AGL: variants seen among roughly 807,000 people sequenced by gnomAD.
AGL encodes the protein amylo-alpha-1,6-glucosidase and 4-alpha-glucanotransferase, also known as glycogen debranching enzyme.
In AGL, 128 loss-of-function variants were observed where a neutral mutation model predicts 199.3. That is an observed-to-expected ratio of 0.64 (90% confidence interval 0.56 to 0.74). The LOEUF is 0.74. Among genes scored for constraint, AGL ranks in the 30% least tolerant of loss-of-function variants. The pLI is 0.00. For missense variants in AGL, 1,809 were observed against 1,820.8 expected (o/e 0.99, Z 0.12); for synonymous variants, 584 against 594.7 (o/e 0.98, Z 0.26).
chr1:99,916,590 T>C lies in AGL; in HGVS notation c.4348-8T>C. ...GGTTTTTTTTGTCTTTTAAATAATC[T>C]TTTTTAGGAGTGGCTGTGGCCTATT... On this transcript the variant is annotated splice_polypyrimidine_tract_variant and splice_region_variant and intron_variant, in intron 32 of 33. Coordinates refer to ENST00000361915, the MANE Select transcript of AGL (RefSeq NM_000642.3). 6.2e-7 allele frequency: 1 copy of C among 1,612,298 alleles called. No homozygotes were observed. Among genetic ancestry groups the C allele is most frequent in the Non-Finnish European group, 8.5e-7 (1 of 1,179,134 alleles).
intron 2 of AGL, among the ~76,000 whole-genome samples, chr1:99,860,702 T>C (rs494626): frequency 0.74 from 113,141 of 152,140 alleles, 42,896 homozygotes; most frequent in African/African-American, 0.91. Context: ...CCATGAAGCA[T>C]AGGGATATAG....
rs934880533 is a variant in AGL at position 99,923,050 on chromosome 1, T to C, written c.*1399T>C. On this transcript the variant is annotated 3_prime_UTR_variant, in exon 34 of 34. Coordinates refer to ENST00000361915, the MANE Select transcript of AGL (RefSeq NM_000642.3). ...AAGCTCGTGTAATTTACTTTAAGAT[T>C]ATCTGCCTGCTCTTCTTCAAAGCTG... 29 of 152,140 alleles carry C rather than the reference T, an allele frequency of 1.9e-4. No individual in the cohort carries two copies. The highest frequency in any genetic ancestry group is 7.0e-4 in the African/African-American group (29 of 41,442). 9.4% of individuals were successfully genotyped at this position (152,140 alleles called of 1,614,324 possible).
intron 2 of AGL, chr1:99,861,163 G>A (rs1202395341): frequency 1.7e-6 from 2 of 1,174,284 alleles, no homozygotes; most frequent in Admixed American, 8.7e-5. Context: ...GCCTGCCATT[G>A]GGTACTTAAT....
chr1:99,902,731 C>A lies in AGL; in HGVS notation c.3637C>A (p.Gln1213Lys). The A allele has an allele frequency of 1.2e-6, 2 of 1,613,512 alleles. No individual in the cohort carries two copies. Among genetic ancestry groups the A allele is most frequent in the Non-Finnish European group, 1.7e-6 (2 of 1,179,562 alleles). Reference protein sequence around the residue: ...VIQEAMQKHMQGIQFRERNAG... With the variant: ...VIQEAMQKHMKGIQFRERNAG... Reference sequence around the variant, plus strand: ...ACAGGAAGCAATGCAAAAACACATGCAGGGCATACAGTTCCGAGAAAGGAA... The same window carrying A: ...ACAGGAAGCAATGCAAAAACACATGAAGGGCATACAGTTCCGAGAAAGGAA... Residue 1213 changes from glutamine to lysine, a missense_variant, in exon 27 of 34, where the codon CAG becomes AAG. Physicochemically the swap from Gln to Lys is moderately conservative, Grantham distance 53. Coordinates refer to ENST00000361915, the MANE Select transcript of AGL (RefSeq NM_000642.3).
chr1:99,904,992 T>G (rs1654148185), intron 27 of AGL, among the ~76,000 whole-genome samples: 1 of 152,340 alleles, frequency 6.6e-6, no homozygotes, highest in South Asian at 2.1e-4. Flanking sequence ...GGGATAAATG[T>G]CCAAGAATGG....
At position 99,922,812 on chromosome 1, in the gene AGL, G is replaced by C; in HGVS notation, c.*1161G>C. 1 of 151,826 alleles carries C rather than the reference G, an allele frequency of 6.6e-6. No individual in the cohort carries two copies. Among genetic ancestry groups the C allele is most frequent in the East Asian group, 1.9e-4 (1 of 5,186 alleles). The allele number at this position is 151,826 out of a possible 1,614,324, so 9.4% of individuals were successfully genotyped here. A position where few individuals can be genotyped will look rare whatever the true frequency, so the allele number is the denominator to read the frequency against. ...AAGTAGTGGCAAGAATTCTTTCATT[G>C]CTATATAATATTCAGTGGCTCATTT... On this transcript the variant is annotated 3_prime_UTR_variant, in exon 34 of 34. Transcript: ENST00000361915.
intron 2 of AGL, among the ~76,000 whole-genome samples, chr1:99,851,906 T>A (rs946295128): frequency 7.5e-6 from 1 of 132,486 alleles, no homozygotes; most frequent in Non-Finnish European, 1.8e-5. Flanking sequence ...TTGAAAAAAA[T>A]TTCACACATA....
intron 27 of AGL, 121 bp from the exon 28 acceptor site, chr1:99,910,591 T>G (rs1046702160): frequency 1.1e-4 from 44 of 404,052 alleles, no homozygotes; most frequent in Non-Finnish European, 1.6e-4. Flanking sequence ...ACCACCAAAC[T>G]GAGCTTTAGA....
rs1055898211 is a variant in AGL, at chr1:99,922,660, A to G, written c.*1009A>G. On this transcript the variant is annotated 3_prime_UTR_variant, in exon 34 of 34. Transcript: ENST00000361915. ...TAAAAATCTTAAAGTCACAAAAGGA[A>G]AAAGGTTTTTAACATTTACATGAGT... The G allele has an allele frequency of 6.6e-6, 1 of 151,954 alleles. No homozygotes were observed. Among genetic ancestry groups the G allele is most frequent in the African/African-American group, 2.4e-5 (1 of 41,456 alleles). 9.4% of individuals were successfully genotyped at this position (151,954 alleles called of 1,614,324 possible). A position where few individuals can be genotyped will look rare whatever the true frequency, so the allele number is the denominator to read the frequency against.
Position 99,862,185 on chromosome 1 carries a change from G to A in AGL, c.294-72G>A, listed in dbSNP as rs954814550. The A allele has an allele frequency of 8.6e-6, 12 of 1,399,136 alleles. No homozygotes were observed. The African/African-American group carries it at 1.7e-4, about 20-fold the overall frequency. The allele number at this position is 1,399,136 out of a possible 1,614,324, so 86.7% of individuals were successfully genotyped here. A position where few individuals can be genotyped will look rare whatever the true frequency, so the allele number is the denominator to read the frequency against. Reference sequence around the variant, plus strand: ...TGGGACAATTAACCTTTTAGTTAGAGTCAGACTATATTATATGAGGATTTT... The same window carrying A: ...TGGGACAATTAACCTTTTAGTTAGAATCAGACTATATTATATGAGGATTTT... On this transcript the variant is annotated intron_variant, in intron 3 of 33. Coordinates refer to ENST00000361915, the MANE Select transcript of AGL (RefSeq NM_000642.3).
At chr1:99,903,355 A>G (rs139311030) in intron 27 of AGL, among the ~76,000 whole-genome samples, 1 of 151,684 alleles carries the variant, frequency 6.6e-6, no homozygotes, top group Non-Finnish European at 1.5e-5. Context: ...CTCATTGTTC[A>G]GTTCCCATCT....
chr1:99,915,351 T>A (rs775324239), intron 30 of AGL, 38 bp from the exon 31 acceptor site: 1 of 1,496,790 alleles, frequency 6.7e-7, no homozygotes, highest in Non-Finnish European at 9.3e-7. Context: ...TCTTCTGTGA[T>A]CTTAAAAATT....
chr1:99,880,516 T>C (rs1295622774), intron 13 of AGL, 116 bp from the exon 14 acceptor site: 1 of 1,249,034 alleles, frequency 8.0e-7, no homozygotes, highest in South Asian at 1.3e-5. Context: ...AAAGCAGTTT[T>C]ATTTTTTATA....
At position 99,896,287 on chromosome 1, in the gene AGL, C is replaced by G; in HGVS notation, c.3261C>G (p.Gly1087=). ...KEQCCVSLAA[G]LPHFSSGIFR... ...ACTTTGTTGTGTTTTTTTTGTTAGG[C>G]TTACCTCATTTTTCTTCTGGTATTT... is the stretch of plus-strand genomic sequence containing the variant. The change falls in exon 25 of 34, where the codon GGC becomes GGG. Residue 1087 remains glycine, a splice_region_variant and synonymous_variant. Transcript: ENST00000361915. 6.2e-7 allele frequency: 1 copy of G among 1,612,340 alleles called. No individual in the cohort carries two copies. Among genetic ancestry groups the G allele is most frequent in the Non-Finnish European group, 8.5e-7 (1 of 1,178,586 alleles).
At chr1:99,890,719 T>C (rs2100786825) in intron 21 of AGL, among the ~76,000 whole-genome samples, 1 of 152,188 alleles carries the variant, frequency 6.6e-6, no homozygotes. Context: ...ATTTTAACAA[T>C]TCCTTCCAAA....
intron 20 of AGL, among the ~76,000 whole-genome samples, 178 bp downstream of exon 20, chr1:99,884,881 T>A (rs1038976432): frequency 6.6e-6 from 1 of 152,202 alleles, no homozygotes; most frequent in South Asian, 2.1e-4. Flanking sequence ...AATTTGTGTG[T>A]GTACCTGCAT....
chr1:99,861,407 A>T, intron 2 of AGL, 96 bp from the exon 3 acceptor site: 1 of 1,572,754 alleles, frequency 6.4e-7, no homozygotes, highest in South Asian at 1.2e-5. Context: ...ATAATTGAAA[A>T]ATCAAGGTTT....
At chr1:99,916,947 G>C (rs573684777) in intron 33 of AGL, among the ~76,000 whole-genome samples, 60 of 152,174 alleles carry the variant, frequency 3.9e-4, no homozygotes, top group African/African-American at 1.4e-3. Flanking sequence ...TCTTGATATT[G>C]TGCGATTTAT....
At chr1:99,919,013 G>A (rs1366485697) in intron 33 of AGL, among the ~76,000 whole-genome samples, 1 of 152,060 alleles carries the variant, frequency 6.6e-6, no homozygotes, top group Admixed American at 6.6e-5. Context: ...GAATTTGCTG[G>A]TTGGTACACT....
Sources: allele counts gnomAD v4.1 joint callset (sites outside exome capture counted in the v4.1 genomes callset), GRCh38; gene constraint gnomAD v4.1.1; transcripts MANE v1.5; gene names NCBI Gene and HGNC (gene_info 2026-07-23, HGNC 2026-07-21).